The following KCNMB4 variants were observed in gnomAD, a reference collection of about 807,000 sequenced individuals.
The protein encoded by KCNMB4 is potassium calcium-activated channel subfamily M regulatory beta subunit 4.
In KCNMB4, 3 loss-of-function variants were observed where a neutral mutation model predicts 20.7. The ratio of observed to expected loss-of-function variants is 0.14; its 90% confidence interval spans 0.07 to 0.37. The LOEUF (loss-of-function observed/expected upper bound fraction) is 0.37, where lower values mean the gene tolerates loss of function less well. Ranked by LOEUF, KCNMB4 falls within the 10% of genes least tolerant of loss-of-function variation. KCNMB4 has a pLI of 1.00. For missense variants in KCNMB4, 168 were observed against 265.9 expected, an observed-to-expected ratio of 0.63 and a Z score of 2.56; for synonymous variants, 110 against 113.4, an observed-to-expected ratio of 0.97 and a Z score of 0.19.
rs771635790 is a variant in KCNMB4, at chr12:70,430,515, T to G, written c.495T>G (p.His165Gln). ...ATGATGTGCTTCTGCATCGCACTCA[T>G]GATGAGATTGTCCTCCTGCATTGCT... ...RPDDVLLHRT[H>Q]DEIVLLHCFL... Residue 165 changes from histidine (H) to glutamine (Q), a missense_variant, in exon 3 of 3, where the codon CAT (histidine) becomes CAG (glutamine). His to Gln is a conservative substitution (Grantham distance 24). Transcript: ENST00000258111. 1 of 1,613,210 alleles carries G rather than the reference T, an allele frequency of 6.2e-7. No homozygotes were observed. The highest frequency in any genetic ancestry group is 8.5e-7 in the Non-Finnish European group (1 of 1,179,710).
intron 2 of KCNMB4, chr12:70,422,801 A>G (rs1051111879): frequency 2.4e-6 from 3 of 1,261,876 alleles, no homozygotes; most frequent in Non-Finnish European, 3.1e-6. Context: ...GGTTTTAAGA[A>G]TCACATTGGG....
chr12:70,411,856 G>A (rs187319911), intron 2 of KCNMB4, among the ~76,000 whole-genome samples: 12 of 152,190 alleles, frequency 7.9e-5, no homozygotes, highest in Non-Finnish European at 1.8e-4. Flanking sequence ...ATGCTAAGGG[G>A]TTTAAATTTG....
At chr12:70,411,116 A>T (rs1868761908) in intron 2 of KCNMB4, among the ~76,000 whole-genome samples, 1 of 152,228 alleles carries the variant, frequency 6.6e-6, no homozygotes, top group African/African-American at 2.4e-5. Flanking sequence ...GATGGATGAA[A>T]TGATCTCTAA....
intron 2 of KCNMB4, among the ~76,000 whole-genome samples, chr12:70,419,317 G>A (rs1011182848): frequency 6.6e-5 from 10 of 152,074 alleles, no homozygotes; most frequent in South Asian, 2.1e-4. Flanking sequence ...AAATTTCCCC[G>A]TTTCTGGATG....
intron 2 of KCNMB4, among the ~76,000 whole-genome samples, chr12:70,426,854 C>T (rs991614793): frequency 6.6e-6 from 1 of 152,180 alleles, no homozygotes; most frequent in East Asian, 1.9e-4. Flanking sequence ...CAAACCTTGA[C>T]TCAGGGTAGT....
At chr12:70,393,479 G>A (rs1024666955) in intron 1 of KCNMB4, among the ~76,000 whole-genome samples, 1 of 152,164 alleles carries the variant, frequency 6.6e-6, no homozygotes, top group Non-Finnish European at 1.5e-5. Context: ...GGGATTACAG[G>A]TGTGAGCCAC....
intron 2 of KCNMB4, among the ~76,000 whole-genome samples, chr12:70,400,929 A>G (rs1868432941): frequency 6.6e-6 from 1 of 152,212 alleles, no homozygotes; most frequent in Non-Finnish European, 1.5e-5. Context: ...GTCTTAGAAA[A>G]TGGCATGACC....
intron 2 of KCNMB4, among the ~76,000 whole-genome samples, chr12:70,416,069 A>G (rs970566828): frequency 9.2e-5 from 14 of 152,220 alleles, no homozygotes; most frequent in African/African-American, 3.1e-4. Flanking sequence ...TTTGACCATC[A>G]TGGCTGTTTC....
At chr12:70,425,996 T>G (rs1347589323) in intron 2 of KCNMB4, among the ~76,000 whole-genome samples, 1 of 151,812 alleles carries the variant, frequency 6.6e-6, no homozygotes, top group Non-Finnish European at 1.5e-5. Flanking sequence ...GTAGAGATCA[T>G]GAAAATGACC....
chr12:70,407,454 T>C (rs1483965068), intron 2 of KCNMB4, among the ~76,000 whole-genome samples: 4 of 137,336 alleles, frequency 2.9e-5, no homozygotes, highest in South Asian at 2.4e-4. Context: ...GAGGTGGTGC[T>C]GAATTCTTTT....
At chr12:70,379,357 T>C (rs1267063548) in intron 1 of KCNMB4, among the ~76,000 whole-genome samples, 1 of 152,250 alleles carries the variant, frequency 6.6e-6, no homozygotes, top group African/African-American at 2.4e-5. Flanking sequence ...CCTTTATAAA[T>C]TATCTAAGCT....
At chr12:70,394,428 T>C (rs939287087) in intron 1 of KCNMB4, among the ~76,000 whole-genome samples, 1 of 152,194 alleles carries the variant, frequency 6.6e-6, no homozygotes. Context: ...GCTTTTCACA[T>C]TTTCTAAGCC....
rs374277070 is a variant in KCNMB4 at position 70,370,596 on chromosome 12, C to A, written c.336+3526C>A. ...GGGCTGGGATTACAGGCATGAGCCA[C>A]CGCGCCCGGCCAGTGCTACTGAATT... On this transcript the variant is annotated intron_variant, in intron 1 of 2. Coordinates refer to ENST00000258111, the MANE Select transcript of KCNMB4 (RefSeq NM_014505.6). 2.4e-4 allele frequency among the ~76,000 whole-genome samples: 36 copies of A among 151,738 alleles called. No homozygotes were observed. In the East Asian group the frequency reaches 5.9e-3, roughly 25 times the overall value.
intron 2 of KCNMB4, among the ~76,000 whole-genome samples, chr12:70,429,390 G>A (rs995960317): frequency 6.6e-6 from 1 of 152,128 alleles, no homozygotes; most frequent in African/African-American, 2.4e-5. Flanking sequence ...ATTCCGGCCG[G>A]GTGCGGTGAC....
At position 70,395,486 on chromosome 12, in the gene KCNMB4, C is replaced by A. The variant is rs369845687; in HGVS notation, c.337-4723C>A. On this transcript the variant is annotated intron_variant, in intron 1 of 2. Transcript: ENST00000258111. ...ACAAAGAACCTACTCAAAAACGATT[C>A]TATTAAAATATAAATCCCATTGTGG... 5.3e-4 allele frequency among the ~76,000 whole-genome samples: 80 copies of A among 152,156 alleles called. No individual in the cohort carries two copies. In the South Asian group the frequency reaches 0.016, roughly 30 times the overall value.
intron 1 of KCNMB4, among the ~76,000 whole-genome samples, chr12:70,388,891 T>G (rs1262910077): frequency 6.6e-6 from 1 of 152,108 alleles, no homozygotes; most frequent in Non-Finnish European, 1.5e-5. Flanking sequence ...TACTTTTATT[T>G]GAGGGTAAGG....
At chr12:70,368,942 T>C (rs1214428483) in intron 1 of KCNMB4, among the ~76,000 whole-genome samples, 1 of 152,190 alleles carries the variant, frequency 6.6e-6, no homozygotes, top group African/African-American at 2.4e-5. Flanking sequence ...CCCAATGCTT[T>C]ATGTAATACT....
chr12:70,415,939 A>G (rs944180565), intron 2 of KCNMB4, among the ~76,000 whole-genome samples: 1 of 152,218 alleles, frequency 6.6e-6, no homozygotes, highest in South Asian at 2.1e-4. Flanking sequence ...TCCCTGCTAC[A>G]TCATAGTTGT....
chr12:70,421,998 A>G (rs1274943613), intron 2 of KCNMB4, among the ~76,000 whole-genome samples: 1 of 151,654 alleles, frequency 6.6e-6, no homozygotes, highest in East Asian at 1.9e-4. Context: ...TAAAATGAGG[A>G]GCCGCTGTTT....
Sources: allele counts gnomAD v4.1 joint callset (sites outside exome capture counted in the v4.1 genomes callset), GRCh38; gene constraint gnomAD v4.1.1; transcripts MANE v1.5; gene names NCBI Gene and HGNC (gene_info 2026-07-23, HGNC 2026-07-21).